CD247: variants seen among roughly 807,000 people sequenced by gnomAD.
CD247 encodes the protein T-cell surface glycoprotein CD3 zeta chain.
Under a neutral mutation model 30.0 loss-of-function variants are expected in CD247, and 13 were observed. The observed-to-expected ratio is 0.43, with a 90% CI of 0.28 to 0.69. The LOEUF (loss-of-function observed/expected upper bound fraction) is 0.69, where lower values mean the gene tolerates loss of function less well. CD247 is among the 30% of genes least tolerant of loss of function. The probability of loss-of-function intolerance (pLI) is 0.16; values close to 1 mark genes in which losing one functional copy is unlikely to be tolerated. For synonymous variants in CD247, 72 were observed against 80.0 expected, an observed-to-expected ratio of 0.90 and a Z score of 0.53; for missense variants, 193 against 212.6, an observed-to-expected ratio of 0.91 and a Z score of 0.57.
Position 167,460,363 on chromosome 1 carries a change from A to G in CD247, c.59-19596T>C, listed in dbSNP as rs58591482. ...GGCTGCAGTGAACCAAGATCACATCACTACACTCCAGCCTGAGTGACAGAG... is the reference window on the plus strand; with the variant it reads ...GGCTGCAGTGAACCAAGATCACATCGCTACACTCCAGCCTGAGTGACAGAG... On this transcript the variant is annotated intron_variant, in intron 1 of 7. Transcript: ENST00000362089. Among the ~76,000 whole-genome samples the G allele has an allele frequency of 5.1e-3, 783 of 152,294 alleles. 6 individuals carry two copies. The highest frequency in any genetic ancestry group is 0.018 in the African/African-American group (759 of 41,560).
In CD247 at chr1:167,453,962, TCAAAAA is replaced by T. The variant is rs927107682; in HGVS notation, c.59-13201_59-13196del. ...CTGGGCAACAGAGTTAGACCCTGCC[TCAAAAA>T]CAAAAACAAAAACAAAAAAAGCTCT... On this transcript the variant is annotated intron_variant, in intron 1 of 7. Coordinates refer to ENST00000362089, the MANE Select transcript of CD247 (RefSeq NM_198053.3). 1.8e-4 allele frequency among the ~76,000 whole-genome samples: 28 copies of T among 151,962 alleles called. No homozygotes were observed. In the East Asian group the frequency reaches 4.6e-3, roughly 25 times the overall value.
At chr1:167,432,574 A>T (rs61806131) in intron 7 of CD247, among the ~76,000 whole-genome samples, 2,295 of 152,350 alleles carry the variant, frequency 0.015, 33 homozygotes, top group Non-Finnish European at 0.025. Flanking sequence ...ACCTAACTAC[A>T]TAACATTTTC....
At chr1:167,440,366 C>T (rs1651768176) in intron 2 of CD247, 2 of 461,128 alleles carry the variant, frequency 4.3e-6, no homozygotes, top group East Asian at 4.3e-5. Flanking sequence ...TGAGTGTAAG[C>T]CCCTTTGTCA....
chr1:167,495,498 C>T (rs543843912), intron 1 of CD247, among the ~76,000 whole-genome samples: 1 of 152,328 alleles, frequency 6.6e-6, no homozygotes, highest in East Asian at 1.9e-4. Context: ...ACAAACATCA[C>T]TAAGTAATGC....
intron 1 of CD247, among the ~76,000 whole-genome samples, chr1:167,473,167 C>T (rs145893323): frequency 1.5e-3 from 235 of 152,026 alleles, no homozygotes; most frequent in African/African-American, 5.2e-3. Context: ...TGAGGCCTTT[C>T]CTTGAAGAGC....
chr1:167,473,023 A>G (rs1653595130), intron 1 of CD247, among the ~76,000 whole-genome samples: 1 of 152,064 alleles, frequency 6.6e-6, no homozygotes, highest in Admixed American at 6.6e-5. Context: ...TCCAGCCCAC[A>G]CAAGTATTCT....
At chr1:167,458,263 C>T (rs528585899) in intron 1 of CD247, among the ~76,000 whole-genome samples, 1 of 152,244 alleles carries the variant, frequency 6.6e-6, no homozygotes, top group Non-Finnish European at 1.5e-5. Context: ...TGCTCTTCAC[C>T]GTCCCTGCTG....
At chr1:167,466,668 G>A (rs2102039796) in intron 1 of CD247, among the ~76,000 whole-genome samples, 1 of 152,294 alleles carries the variant, frequency 6.6e-6, no homozygotes, top group South Asian at 2.1e-4. Flanking sequence ...ATACATACGT[G>A]TGTGTAATGA....
At chr1:167,444,892 C>T (rs1362884389) in intron 1 of CD247, among the ~76,000 whole-genome samples, 3 of 152,064 alleles carry the variant, frequency 2.0e-5, no homozygotes, top group African/African-American at 7.2e-5. Context: ...AACAACACTA[C>T]CTGTCTCATT....
chr1:167,498,799 AC>A (rs1279145593), intron 1 of CD247, among the ~76,000 whole-genome samples: 1 of 152,068 alleles, frequency 6.6e-6, no homozygotes, highest in African/African-American at 2.4e-5. Context: ...GCTGAAACTG[AC>A]CTCCCTCAAC....
chr1:167,506,003 G>A (rs1655097572), intron 1 of CD247, among the ~76,000 whole-genome samples: 1 of 152,164 alleles, frequency 6.6e-6, no homozygotes, highest in South Asian at 2.1e-4. Flanking sequence ...CAAAAGTCCT[G>A]GGTTTAAGGG....
intron 1 of CD247, among the ~76,000 whole-genome samples, chr1:167,511,804 G>A (rs1296489757): frequency 6.6e-6 from 1 of 151,920 alleles, no homozygotes; most frequent in Non-Finnish European, 1.5e-5. Flanking sequence ...CCATGTTTGA[G>A]GCCTGGTTCT....
intron 1 of CD247, chr1:167,448,508 G>A: frequency 1.0e-6 from 1 of 985,416 alleles, no homozygotes; most frequent in Non-Finnish European, 1.2e-6. Context: ...GACAGATACA[G>A]AAGGCCTGCT....
chr1:167,450,001 A>T (rs1247777920), intron 1 of CD247, among the ~76,000 whole-genome samples: 2 of 152,128 alleles, frequency 1.3e-5, no homozygotes, highest in Non-Finnish European at 2.9e-5. Flanking sequence ...GTTATTTCAT[A>T]TATTCATATT....
intron 1 of CD247, among the ~76,000 whole-genome samples, chr1:167,481,541 G>A (rs1653973753): frequency 6.6e-6 from 1 of 152,166 alleles, no homozygotes; most frequent in Non-Finnish European, 1.5e-5. Context: ...GTGGGTGGGG[G>A]CGGAAAGAGA....
chr1:167,435,703 C>T (rs527741535), intron 4 of CD247, among the ~76,000 whole-genome samples: 8 of 152,360 alleles, frequency 5.3e-5, no homozygotes, highest in African/African-American at 1.9e-4. Flanking sequence ...GGCAGGCCAT[C>T]GGGACGCCCA....
At chr1:167,485,117 C>T (rs1018214348) in intron 1 of CD247, among the ~76,000 whole-genome samples, 1 of 152,246 alleles carries the variant, frequency 6.6e-6, no homozygotes, top group African/African-American at 2.4e-5. Flanking sequence ...CTCATGGATG[C>T]AGATGGCATG....
At chr1:167,433,902 G>T in intron 6 of CD247, 118 bp downstream of exon 6, 2 of 950,286 alleles carry the variant, frequency 2.1e-6, no homozygotes. Flanking sequence ...ACCTCTGATG[G>T]CCACCACATG....
At chr1:167,502,811 G>A (rs964319324) in intron 1 of CD247, among the ~76,000 whole-genome samples, 1 of 152,124 alleles carries the variant, frequency 6.6e-6, no homozygotes, top group African/African-American at 2.4e-5. Context: ...GCATCTACAA[G>A]CCAAGGAACA....
Sources: gnomAD v4.1 joint callset for allele counts (sites outside exome capture counted in the v4.1 genomes callset) on GRCh38, gnomAD v4.1.1 for gene constraint, MANE v1.5 for transcripts, NCBI Gene and HGNC (gene_info 2026-07-23, HGNC 2026-07-21) for gene names.